KCNT1: variants seen among roughly 807,000 people sequenced by gnomAD.
KCNT1 encodes the protein potassium channel subfamily T member 1.
KCNT1 carries 78 observed loss-of-function variants against 147.8 expected under a neutral mutation model. The observed-to-expected ratio is 0.53, with a 90% CI of 0.44 to 0.64. The LOEUF (loss-of-function observed/expected upper bound fraction) is 0.64. Among genes scored for constraint, KCNT1 ranks in the 30% least tolerant of loss-of-function variants. The pLI is 0.00. For synonymous variants in KCNT1, 867 were observed against 748.8 expected (o/e 1.16, Z -2.58); for missense variants, 1,419 against 1,750.3 (o/e 0.81, Z 3.38).
At chr9:135,747,941 T>G (rs1043038933) in intron 2 of KCNT1, among the ~76,000 whole-genome samples, 1 of 152,058 alleles carries the variant, frequency 6.6e-6, no homozygotes. Context: ...TTTCATTTAT[T>G]TATTTATTAT....
intron 2 of KCNT1, among the ~76,000 whole-genome samples, chr9:135,732,024 A>AGAGAGAGAGAGAGAGAGAGG (rs1554766187): frequency 0.011 from 725 of 64,870 alleles, 51 homozygotes; most frequent in East Asian, 0.023. Context: ...AGAGAGAGAG[A>AGAGAGAGAGAGAGAGAGAGG]GAGAGAGAGA....
intron 6 of KCNT1, 120 bp from the exon 7 acceptor site, chr9:135,756,753 C>A: frequency 1.2e-6 from 1 of 850,376 alleles, no homozygotes; most frequent in South Asian, 1.4e-5. Context: ...GAGTGAGGGT[C>A]AAGGCAGACC....
At chr9:135,780,615 G>C (rs747878449) in intron 24 of KCNT1, among the ~76,000 whole-genome samples, 1 of 152,202 alleles carries the variant, frequency 6.6e-6, no homozygotes, top group East Asian at 1.9e-4. Flanking sequence ...GAGGCGTAGG[G>C]GGATGCTCGG....
At chr9:135,709,561 C>G (rs1383797450) in intron 1 of KCNT1, among the ~76,000 whole-genome samples, 2 of 152,212 alleles carry the variant, frequency 1.3e-5, no homozygotes, top group African/African-American at 4.8e-5. Context: ...GTAACCACAG[C>G]CGATCACTGG....
Position 135,777,710 on chromosome 9 carries a change from ACCCACTCCTGCTCCCAGCTCCTCCCCACC to A in KCNT1, c.2522+205_2522+233del, listed in dbSNP as rs1327377921. 9.9e-3 allele frequency among the ~76,000 whole-genome samples: 1,370 copies of A among 139,086 alleles called. 19 individuals are homozygous for A. Among genetic ancestry groups the A allele is most frequent in the African/African-American group, 0.035 (1,310 of 37,072 alleles). 91.2% of individuals were successfully genotyped at this position (139,086 alleles called of 152,430 possible). A position where few individuals can be genotyped will look rare whatever the true frequency, so the allele number is the denominator to read the frequency against. On this transcript the variant is annotated intron_variant, in intron 21 of 30. Coordinates refer to ENST00000371757, the MANE Select transcript of KCNT1 (RefSeq NM_020822.3). ...CCTCCTGCTCCCAGCTCCTCCCCAC[ACCCACTCCTGCTCCCAGCTCCTCCCCACC>A]CCCAGCTCCTCTGGCTCCTGGGTCC...
intron 2 of KCNT1, among the ~76,000 whole-genome samples, chr9:135,745,106 C>T (rs993450021): frequency 2.0e-5 from 3 of 152,246 alleles, no homozygotes; most frequent in Non-Finnish European, 2.9e-5. Context: ...TGTTCCCAGA[C>T]GGATGCCGCC....
intron 18 of KCNT1, 197 bp downstream of exon 18, chr9:135,771,292 GGGACAGGAGACCAGACCGGGCA>G: frequency 1.6e-6 from 1 of 615,272 alleles, no homozygotes. Flanking sequence ...GAGACCAGGT[GGGACAGGAGACCAGACCGGGCA>G]GGGCAGGAGA....
intron 2 of KCNT1, among the ~76,000 whole-genome samples, chr9:135,731,793 T>C (rs566262606): frequency 1.3e-5 from 2 of 151,616 alleles, no homozygotes; most frequent in African/African-American, 2.4e-5. Flanking sequence ...AGTGACTCAC[T>C]GGTTCTGTCT....
Position 135,765,672 on chromosome 9 carries a change from C to T in KCNT1, c.1249C>T (p.Arg417Cys), listed in dbSNP as rs781342838. The T allele has an allele frequency of 6.8e-6, 11 of 1,610,688 alleles. No homozygotes were observed. Among genetic ancestry groups the T allele is most frequent in the East Asian group, 2.2e-5 (1 of 44,816 alleles). Residue 417 changes from arginine to cysteine, a missense_variant, in exon 13 of 31, where the codon CGC becomes TGC. Arg to Cys is a radical substitution (Grantham distance 180). Around this residue, in one of 5 missense-constraint regions of KCNT1, gnomAD observed 401 missense variants for 610.6 expected, o/e 0.66. Transcript: ENST00000371757. ...CCCCACGGAGATGGATGTCCAGGTG[C>T]GCAGAGTCCTGCAGATCCCTCTGTG... Reference protein sequence around the residue: ...LCPTEMDVQVRRVLQIPLWSQ... With the variant: ...LCPTEMDVQVCRVLQIPLWSQ...
chr9:135,790,711 CAG>C (rs144928349), intron 29 of KCNT1: 1,533 of 152,618 alleles, frequency 0.01, 35 homozygotes, highest in African/African-American at 0.035. Flanking sequence ...AGAGGACGGG[CAG>C]AGAGGAGGGA....
intron 19 of KCNT1, among the ~76,000 whole-genome samples, chr9:135,773,483 CCCCTGGGCAAG>C (rs1192705176): frequency 1.7e-4 from 26 of 152,210 alleles, no homozygotes; most frequent in African/African-American, 6.0e-4. Context: ...CCCTGTGCAA[CCCCTGGGCAAG>C]GCAGTGTCCC....
intron 29 of KCNT1, chr9:135,790,338 C>T (rs1375778687): frequency 6.6e-6 from 1 of 152,246 alleles, no homozygotes; most frequent in Admixed American, 6.5e-5. Flanking sequence ...CAGCATGAGG[C>T]CCCTGGGCCT....
At chr9:135,715,995 TG>T (rs1466282365) in intron 2 of KCNT1, among the ~76,000 whole-genome samples, 5 of 152,200 alleles carry the variant, frequency 3.3e-5, no homozygotes, top group Non-Finnish European at 7.3e-5. Flanking sequence ...TAAGTGCAAA[TG>T]CCCAGGTGAA....
intron 2 of KCNT1, among the ~76,000 whole-genome samples, chr9:135,719,683 C>A (rs941030851): frequency 4.6e-5 from 7 of 152,194 alleles, no homozygotes; most frequent in Non-Finnish European, 1.0e-4. Context: ...TGCCCACTGG[C>A]TGGGGCTTCC....
At chr9:135,777,554 C>T (rs1173680406) in intron 21 of KCNT1, 44 bp downstream of exon 21, 1 of 1,571,446 alleles carries the variant, frequency 6.4e-7, no homozygotes, top group South Asian at 1.2e-5. Flanking sequence ...CCCGGGCCCT[C>T]AGACCTGCAG....
chr9:135,785,408 G>GCACC, intron 28 of KCNT1, 78 bp downstream of exon 28: 2 of 1,526,468 alleles, frequency 1.3e-6, no homozygotes, highest in Non-Finnish European at 1.8e-6. Flanking sequence ...AGCCTGCCAG[G>GCACC]CCCCACCCAC....
At chr9:135,776,745 T>C (rs1055214900) in intron 20 of KCNT1, among the ~76,000 whole-genome samples, 5 of 152,224 alleles carry the variant, frequency 3.3e-5, no homozygotes, top group African/African-American at 1.2e-4. Flanking sequence ...GACAGATCGT[T>C]ATTGATTCTG....
rs1588405195 is a variant in KCNT1, at chr9:135,785,558, T to A, written c.3177+228T>A. 3 of 649,318 alleles carry A rather than the reference T, an allele frequency of 4.6e-6. No individual in the cohort carries two copies. The Admixed American group carries it at 6.8e-5, about 15-fold the overall frequency. The allele number at this position is 649,318 out of a possible 1,614,324, so 40.2% of individuals were successfully genotyped here. ...TGGGGAAGCTGAGGCCTGGGGGGAG[T>A]AGCCTGTGAGTTTGGACACCAGGTG... On this transcript the variant is annotated intron_variant, in intron 28 of 30. Transcript: ENST00000371757.
intron 29 of KCNT1, chr9:135,790,824 T>C (rs1352285305): frequency 1.3e-5 from 2 of 152,282 alleles, no homozygotes; most frequent in Non-Finnish European, 2.9e-5. Flanking sequence ...GAGCTTCCCG[T>C]AGACACCATC....
Sources: gnomAD v4.1 joint callset for allele counts (sites outside exome capture counted in the v4.1 genomes callset) on GRCh38, gnomAD v4.1.1 for gene constraint, gnomAD v4.1.1 regional missense constraint, MANE v1.5 for transcripts, NCBI Gene and HGNC (gene_info 2026-07-23, HGNC 2026-07-21) for gene names.